STARD3: variants seen among roughly 807,000 people sequenced by gnomAD.
STARD3 encodes StAR related lipid transfer domain containing 3, also known as stAR-related lipid transfer protein 3.
In STARD3, 39 loss-of-function variants were observed where a neutral mutation model predicts 62.0. The ratio of observed to expected loss-of-function variants is 0.63; its 90% CI spans 0.49 to 0.82. The LOEUF is 0.82. Ranked by LOEUF, STARD3 falls within the 40% of genes least tolerant of loss-of-function variation. The pLI, the probability that STARD3 is intolerant of heterozygous loss-of-function variation, is 0.00. For synonymous variants in STARD3, 229 were observed against 242.4 expected (o/e 0.94, Z 0.51); for missense variants, 543 against 584.5 (o/e 0.93, Z 0.73).
Position 39,660,633 on chromosome 17 carries a change from T to C in STARD3, c.954+107T>C. ...TCAGCTGCCCCATCTGTACAGTGGG[T>C]GTGATGGTAACAGTGCCTGCTCGGG... is the stretch of plus-strand genomic sequence containing the variant. On this transcript the variant is annotated intron_variant, in intron 11 of 14. Transcript: ENST00000336308. This position sits in a 1 kb window ranked among gnomAD's most constrained non-coding sequence, Gnocchi z 4.8. The C allele has an allele frequency of 7.2e-7, 1 of 1,396,574 alleles. No homozygotes were observed. Among genetic ancestry groups the C allele is most frequent in the Non-Finnish European group, 1.0e-6 (1 of 992,258 alleles). 86.5% of individuals were successfully genotyped at this position (1,396,574 alleles called of 1,614,324 possible). A position where few individuals can be genotyped will look rare whatever the true frequency, so the allele number is the denominator to read the frequency against.
At chr17:39,648,782 G>A (rs529993861) in intron 1 of STARD3, among the ~76,000 whole-genome samples, 17 of 152,224 alleles carry the variant, frequency 1.1e-4, no homozygotes, top group Admixed American at 1.0e-3. Context: ...CCGGGCTCCC[G>A]CAACACCTCT....
chr17:39,648,321 G>T (rs934064572), intron 1 of STARD3, among the ~76,000 whole-genome samples: 1 of 152,066 alleles, frequency 6.6e-6, no homozygotes, highest in Non-Finnish European at 1.5e-5. Flanking sequence ...ATAAAAATTA[G>T]CTGAGCATAA....
chr17:39,658,188 G>A (rs538553915), intron 5 of STARD3, 162 bp downstream of exon 5: 21 of 932,188 alleles, frequency 2.3e-5, no homozygotes, highest in East Asian at 5.2e-5. Context: ...TCCTTCACCC[G>A]CTTCCCTGAC....
intron 1 of STARD3, among the ~76,000 whole-genome samples, chr17:39,645,644 G>T (rs1373882922): frequency 6.6e-6 from 1 of 151,928 alleles, no homozygotes; most frequent in African/African-American, 2.4e-5. Flanking sequence ...TAATTTTTTT[G>T]TATGTTTAGT....
In STARD3 at chr17:39,660,827, A is replaced by T. The variant is rs1311930594; in HGVS notation, c.972A>T (p.Glu324Asp). Residue 324 changes from glutamate (E) to aspartate (D), a missense_variant, in exon 12 of 15, where the codon GAA (glutamate) becomes GAT (aspartate). By Grantham distance (45) the Glu-to-Asp change is conservative. Transcript: ENST00000336308. The surrounding 1 kb of genome is among the most constrained non-coding windows in gnomAD (Gnocchi z 4.8). ...VTACQILQRVEDNTLISYDVS... is the reference protein window; with the variant it reads ...VTACQILQRVDDNTLISYDVS... Reference sequence around the variant, plus strand: ...GCCCTCAGATCCTGCAGCGAGTGGAAGACAACACCCTCATCTCCTATGACG... The same window carrying T: ...GCCCTCAGATCCTGCAGCGAGTGGATGACAACACCCTCATCTCCTATGACG... 2.5e-6 allele frequency: 4 copies of T among 1,591,274 alleles called. No homozygotes were observed. The African/African-American group carries it at 5.4e-5, about 21-fold the overall frequency.
intron 9 of STARD3, 81 bp downstream of exon 9, chr17:39,659,634 CA>C (rs2057172962): frequency 6.9e-7 from 1 of 1,451,648 alleles, no homozygotes; most frequent in South Asian, 1.2e-5. Flanking sequence ...GGAAGAAACC[CA>C]AAGATTACAT....
chr17:39,659,747 T>G (rs1000965624), intron 9 of STARD3, 194 bp downstream of exon 9: 5 of 325,666 alleles, frequency 1.5e-5, no homozygotes, highest in East Asian at 5.0e-5. Context: ...TTGGCCCCCC[T>G]TCCCCGCACC....
chr17:39,646,660 C>T (rs1044058913), intron 1 of STARD3, among the ~76,000 whole-genome samples: 2 of 152,158 alleles, frequency 1.3e-5, no homozygotes, highest in Non-Finnish European at 2.9e-5. Flanking sequence ...TGAACCATGA[C>T]CTTAGAGTCC....
chr17:39,663,254 G>C lies in STARD3; in HGVS notation c.*346G>C, dbSNP rs144341371. The C allele has an allele frequency of 5.2e-3, 2,101 of 400,328 alleles. 13 individuals carry two copies. The highest frequency in any genetic ancestry group is 7.4e-3 in the Non-Finnish European group (1,693 of 227,660). 24.8% of individuals were successfully genotyped at this position (400,328 alleles called of 1,614,324 possible). On this transcript the variant is annotated 3_prime_UTR_variant, in exon 15 of 15. Transcript: ENST00000336308. ...CCAGGGCCCTGGGCAGGGCAGGGCA[G>C]CCTGTCACCCGTGTGAAGATGAAGG... is the stretch of plus-strand genomic sequence containing the variant.
At position 39,660,343 on chromosome 17, in the gene STARD3, C is replaced by T; in HGVS notation, c.858+70C>T. On this transcript the variant is annotated intron_variant, in intron 10 of 14. Transcript: ENST00000336308. The surrounding 1 kb of genome is among the most constrained non-coding windows in gnomAD (Gnocchi z 4.8). ...AGGCTCCAGGAAGGTGCCGAGGGGCCCTCTGGTGGGTGCCCCCCACCAAGA... is the reference window on the plus strand; with the variant it reads ...AGGCTCCAGGAAGGTGCCGAGGGGCTCTCTGGTGGGTGCCCCCCACCAAGA... 6.2e-7 allele frequency: 1 copy of T among 1,609,780 alleles called. No homozygotes were observed. The highest frequency in any genetic ancestry group is 8.5e-7 in the Non-Finnish European group (1 of 1,176,596).
chr17:39,641,997 G>T (rs1295270569), intron 1 of STARD3, among the ~76,000 whole-genome samples: 1 of 152,224 alleles, frequency 6.6e-6, no homozygotes, highest in Non-Finnish European at 1.5e-5. Flanking sequence ...AAAGGTCAGG[G>T]GAGTCTGGAG....
Position 39,653,492 on chromosome 17 carries a change from A to T in STARD3, c.-40A>T, listed in dbSNP as rs2057096401. ...TGCCTCGCCCCCAGCCCTGCTGCTG[A>T]GGCCGCGCCCTCCCCGCCCTGAGGT... On this transcript the variant is annotated 5_prime_UTR_variant, in exon 2 of 15. It removes the in-frame stop codon of an upstream open reading frame in the 5' UTR. Transcript: ENST00000336308. The T allele has an allele frequency of 6.3e-7, 1 of 1,590,014 alleles. No homozygotes were observed.
At chr17:39,652,550 A>G (rs2057087959) in intron 1 of STARD3, 1 of 151,658 alleles carries the variant, frequency 6.6e-6, no homozygotes, top group Admixed American at 6.6e-5. Context: ...AGGACTTTTG[A>G]GCTGCCTGTT....
chr17:39,646,057 A>AT (rs377038436), intron 1 of STARD3, among the ~76,000 whole-genome samples: 10 of 148,946 alleles, frequency 6.7e-5, no homozygotes, highest in African/African-American at 2.2e-4. Context: ...ACACCCGGCT[A>AT]TTTTTTGTAA....
intron 1 of STARD3, among the ~76,000 whole-genome samples, chr17:39,641,301 A>G (rs2144893990): frequency 6.6e-6 from 1 of 152,202 alleles, no homozygotes; most frequent in African/African-American, 2.4e-5. Flanking sequence ...GCCTTGAAAC[A>G]TCTAGCTGTG....
chr17:39,662,049 C>T (rs558299603), intron 13 of STARD3, among the ~76,000 whole-genome samples: 1 of 152,170 alleles, frequency 6.6e-6, no homozygotes, highest in East Asian at 1.9e-4. Context: ...TCAAGCATCA[C>T]AGAGTGGGTG....
chr17:39,648,668 G>A (rs2057049243), intron 1 of STARD3, among the ~76,000 whole-genome samples: 2 of 152,020 alleles, frequency 1.3e-5, no homozygotes, highest in African/African-American at 4.8e-5. Flanking sequence ...TCGGTGGGAG[G>A]GTGATATCAA....
At chr17:39,647,747 T>TA (rs981828368) in intron 1 of STARD3, among the ~76,000 whole-genome samples, 3 of 152,260 alleles carry the variant, frequency 2.0e-5, no homozygotes, top group Non-Finnish European at 2.9e-5. Flanking sequence ...CAGGTGGGAT[T>TA]CAGTAGCTGC....
chr17:39,653,947 C>G (rs1365326288), intron 2 of STARD3, among the ~76,000 whole-genome samples, 197 bp downstream of exon 2: 2 of 152,168 alleles, frequency 1.3e-5, no homozygotes, highest in Non-Finnish European at 2.9e-5. Context: ...TGTCATTTGG[C>G]CAAGGTCCCT....
Sources: allele counts gnomAD v4.1 joint callset (sites outside exome capture counted in the v4.1 genomes callset), GRCh38; gene constraint gnomAD v4.1.1; non-coding constraint Gnocchi (gnomAD v3.1); transcripts MANE v1.5; gene names NCBI Gene and HGNC (gene_info 2026-07-23, HGNC 2026-07-21).